The following CRYBB1 variants were observed in gnomAD, a reference collection of about 807,000 sequenced individuals.
The protein encoded by CRYBB1 is crystallin beta B1, also known as beta-crystallin B1.
A neutral mutation model predicts 29.5 loss-of-function variants in CRYBB1; 16 were observed. The observed-to-expected ratio is 0.54, with a 90% CI of 0.37 to 0.82. The LOEUF is 0.82. Among genes scored for constraint, CRYBB1 ranks in the 40% least tolerant of loss-of-function variants. The probability of loss-of-function intolerance (pLI) is 0.00; values close to 1 mark genes in which losing one functional copy is unlikely to be tolerated. For missense variants in CRYBB1, 300 were observed against 350.5 expected, an observed-to-expected ratio of 0.86 and a Z score of 1.15; for synonymous variants, 127 against 136.7, an observed-to-expected ratio of 0.93 and a Z score of 0.49.
chr22:26,602,168 G>A, intron 4 of CRYBB1, 147 bp from the exon 5 acceptor site: 1 of 1,019,550 alleles, frequency 9.8e-7, no homozygotes, highest in Non-Finnish European at 1.5e-6. Flanking sequence ...TGTCTAGTCT[G>A]GAAGGAGACA....
intron 4 of CRYBB1, among the ~76,000 whole-genome samples, chr22:26,602,251 C>T (rs1208124836): frequency 6.6e-6 from 1 of 151,986 alleles, no homozygotes; most frequent in Non-Finnish European, 1.5e-5. Context: ...CCATATAGAG[C>T]ACTGAGCACG....
chr22:26,615,988 TAGAA>T (rs1929337816), intron 2 of CRYBB1, 148 bp downstream of exon 2: 5 of 709,920 alleles, frequency 7.0e-6, no homozygotes, highest in African/African-American at 1.8e-5. Context: ...GGAGAGTAAA[TAGAA>T]AGGAGAGAAA....
chr22:26,605,775 A>G (rs956531824), intron 4 of CRYBB1, among the ~76,000 whole-genome samples: 5 of 149,328 alleles, frequency 3.3e-5, no homozygotes, highest in African/African-American at 1.2e-4. Flanking sequence ...TTTTGAAAAG[A>G]TCCCTCTAAC....
At chr22:26,609,448 G>A (rs535678995) in intron 3 of CRYBB1, among the ~76,000 whole-genome samples, 65 of 152,206 alleles carry the variant, frequency 4.3e-4, no homozygotes, top group Middle Eastern at 3.4e-3. Flanking sequence ...ATGGATAGGT[G>A]GATGGGTAGA....
intron 3 of CRYBB1, 123 bp downstream of exon 3, chr22:26,611,946 CATA>C: frequency 1.3e-6 from 1 of 760,608 alleles, no homozygotes; most frequent in South Asian, 1.4e-5. Flanking sequence ...GAGGATTGGA[CATA>C]ATGTATGTGC....
intron 4 of CRYBB1, among the ~76,000 whole-genome samples, chr22:26,605,539 C>T (rs188943726): frequency 4.0e-4 from 61 of 151,866 alleles, no homozygotes; most frequent in African/African-American, 1.3e-3. Flanking sequence ...CTGGGCGTGG[C>T]GGTGCACACC....
At chr22:26,611,773 CG>C (rs1322809040) in intron 3 of CRYBB1, among the ~76,000 whole-genome samples, 2 of 152,096 alleles carry the variant, frequency 1.3e-5, no homozygotes, top group Non-Finnish European at 1.5e-5. Flanking sequence ...CGCGCCCGGC[CG>C]GGCTAGAGTT....
chr22:26,601,185 C>T (rs1194360786), intron 5 of CRYBB1, among the ~76,000 whole-genome samples: 15 of 152,234 alleles, frequency 9.9e-5, no homozygotes, highest in Middle Eastern at 3.4e-3. Flanking sequence ...CAGAGCCTTA[C>T]GTTTACCTAG....
intron 3 of CRYBB1, 50 bp downstream of exon 3, chr22:26,612,021 TG>T: frequency 1.5e-6 from 2 of 1,329,178 alleles, no homozygotes; most frequent in Non-Finnish European, 2.2e-6. Flanking sequence ...TACTGTTGTG[TG>T]GTCATTTTAC....
At chr22:26,600,953 T>C (rs1928800188) in intron 5 of CRYBB1, among the ~76,000 whole-genome samples, 1 of 152,256 alleles carries the variant, frequency 6.6e-6, no homozygotes, top group Non-Finnish European at 1.5e-5. Context: ...TGGGTTTCCC[T>C]GCTAGGCCAA....
intron 2 of CRYBB1, among the ~76,000 whole-genome samples, chr22:26,614,719 C>A (rs192432083): frequency 2.2e-4 from 33 of 152,232 alleles, no homozygotes; most frequent in African/African-American, 7.9e-4. Flanking sequence ...CGGCCAGTTG[C>A]GGTGGCTCAC....
rs139893258 is a variant in CRYBB1, at chr22:26,616,601, C to T, written c.-19-263G>A. ...CTAGCTGTTCCACCCTCCATTACCC[C>T]GCTAGGTCCTTCCTTAGCCCCCTGC... On this transcript the variant is annotated intron_variant, in intron 1 of 5. Transcript: ENST00000647684. Among the ~76,000 whole-genome samples the T allele has an allele frequency of 3.1e-3, 465 of 152,332 alleles. 3 individuals carry two copies. The highest frequency in any genetic ancestry group is 3.5e-3 in the Non-Finnish European group (237 of 68,028).
chr22:26,615,528 T>G (rs1305673358), intron 2 of CRYBB1, among the ~76,000 whole-genome samples: 2 of 152,052 alleles, frequency 1.3e-5, no homozygotes, highest in East Asian at 3.9e-4. Context: ...TTTTCTTTTT[T>G]TTTTTGATGG....
In CRYBB1 at chr22:26,612,080, G is replaced by A. The variant is rs765060295; in HGVS notation, c.291C>T (p.Ser97=). 3 of 1,611,972 alleles carry A rather than the reference G, an allele frequency of 1.9e-6. No homozygotes were observed. Among genetic ancestry groups the A allele is most frequent in the East Asian group, 2.2e-5 (1 of 44,832 alleles). ...CGCCGCCCAGTACTCACGGTCCCGC[G>A]GAGACAATGATGCTGCGCACACGGT... The part of the protein sequence containing the change: ...GFDRVRSIIV[S]AGPWVAFEQS... Residue 97 remains serine (S), a synonymous_variant, in exon 3 of 6, where the codon TCC becomes TCT. Coordinates refer to ENST00000647684, the MANE Select transcript of CRYBB1 (RefSeq NM_001887.4).
chr22:26,599,701 G>A (rs776964877), intron 5 of CRYBB1, 28 bp from the exon 6 acceptor site: 1 of 1,600,262 alleles, frequency 6.2e-7, no homozygotes, highest in Admixed American at 1.7e-5. Context: ...AGGACAGAGT[G>A]GAGACAGCCT....
At chr22:26,610,231 T>C (rs1243883727) in intron 3 of CRYBB1, among the ~76,000 whole-genome samples, 3 of 151,932 alleles carry the variant, frequency 2.0e-5, no homozygotes, top group Non-Finnish European at 4.4e-5. Context: ...CTAAGAGGGG[T>C]TAAGTCCCCA....
chr22:26,614,492 T>C (rs1167454162), intron 2 of CRYBB1, among the ~76,000 whole-genome samples: 1 of 152,168 alleles, frequency 6.6e-6, no homozygotes, highest in Non-Finnish European at 1.5e-5. Context: ...GTCCAAGCCA[T>C]GCTGTTCACG....
chr22:26,606,562 G>A (rs1321128515), intron 4 of CRYBB1, among the ~76,000 whole-genome samples: 5 of 152,248 alleles, frequency 3.3e-5, no homozygotes, highest in African/African-American at 1.2e-4. Context: ...AACATAGGTT[G>A]GCATATAAGA....
intron 4 of CRYBB1, among the ~76,000 whole-genome samples, chr22:26,604,900 T>G (rs1928928413): frequency 6.6e-6 from 1 of 152,160 alleles, no homozygotes; most frequent in African/African-American, 2.4e-5. Flanking sequence ...AAGACTGAAC[T>G]TGCCACCACC....
Sources: gnomAD v4.1 joint callset for allele counts (sites outside exome capture counted in the v4.1 genomes callset) on GRCh38, gnomAD v4.1.1 for gene constraint, MANE v1.5 for transcripts, NCBI Gene and HGNC (gene_info 2026-07-23, HGNC 2026-07-21) for gene names.